The following SBF2 variants were observed in gnomAD, a reference collection of about 807,000 sequenced individuals.
SBF2 encodes the protein myotubularin-related protein 13.
Under a neutral mutation model 225.2 loss-of-function variants are expected in SBF2, and 112 were observed. That is an observed-to-expected ratio of 0.50 (90% CI 0.43 to 0.58). The LOEUF (loss-of-function observed/expected upper bound fraction) is 0.58. Ranked by LOEUF, SBF2 falls within the 20% of genes least tolerant of loss-of-function variation. The probability of loss-of-function intolerance (pLI) is 0.00; values close to 1 mark genes in which losing one functional copy is unlikely to be tolerated. For synonymous variants in SBF2, 763 were observed against 773.3 expected, an observed-to-expected ratio of 0.99 and a Z score of 0.22; for missense variants, 1,996 against 2,206.2, an observed-to-expected ratio of 0.90 and a Z score of 1.91.
chr11:10,146,395 T>A (rs966407383), intron 2 of SBF2, among the ~76,000 whole-genome samples: 1 of 151,622 alleles, frequency 6.6e-6, no homozygotes, highest in Non-Finnish European at 1.5e-5. Flanking sequence ...TGGAACAGAA[T>A]AAAGAACCCA....
intron 16 of SBF2, among the ~76,000 whole-genome samples, chr11:9,904,843 T>C (rs554140318): frequency 2.0e-5 from 3 of 152,216 alleles, no homozygotes; most frequent in Admixed American, 6.5e-5. Flanking sequence ...TGAGTGATAG[T>C]AAGAGCTCAT....
chr11:9,845,480 T>C (rs918263435), intron 24 of SBF2, 85 bp downstream of exon 24: 3 of 1,260,866 alleles, frequency 2.4e-6, no homozygotes, highest in African/African-American at 3.0e-5. Context: ...CAGCAATCGC[T>C]TACACCTGGA....
rs1856484734 is a variant in SBF2, at chr11:9,845,568, A to T, written c.3107T>A (p.Phe1036Tyr). The T allele has an allele frequency of 1.2e-6, 2 of 1,613,362 alleles. No individual in the cohort carries two copies. The highest frequency in any genetic ancestry group is 3.3e-5 in the Admixed American group (2 of 59,990). Residue 1036 changes from phenylalanine (F) to tyrosine (Y), a missense_variant, in exon 24 of 40, where the codon TTT becomes TAT. Coordinates refer to ENST00000256190, the MANE Select transcript of SBF2 (RefSeq NM_030962.4). ...LPKQKEKNTS[F>Y]RTFSKTIVKG... ...ACAGACTTGTCTTTCTTCTTACCGA[A>T]AAGAAGTGTTCTTTTCCTTCTGTTT...
intron 2 of SBF2, among the ~76,000 whole-genome samples, chr11:10,127,570 T>A (rs1953815242): frequency 6.6e-6 from 1 of 152,142 alleles, no homozygotes; most frequent in Non-Finnish European, 1.5e-5. Context: ...TAATTCTACT[T>A]GATGGTTCTC....
At chr11:9,922,633 T>C (rs1013712513) in intron 16 of SBF2, among the ~76,000 whole-genome samples, 1 of 152,202 alleles carries the variant, frequency 6.6e-6, no homozygotes, top group Admixed American at 6.5e-5. Context: ...CAAACACCAT[T>C]ATCATTTAAA....
At chr11:10,026,969 T>G (rs1179302130) in intron 6 of SBF2, among the ~76,000 whole-genome samples, 1 of 152,186 alleles carries the variant, frequency 6.6e-6, no homozygotes, top group East Asian at 1.9e-4. Flanking sequence ...TGTAATTTTT[T>G]AATTGACAAA....
intron 1 of SBF2, among the ~76,000 whole-genome samples, chr11:10,210,020 G>A (rs1957876778): frequency 6.6e-6 from 1 of 152,096 alleles, no homozygotes; most frequent in African/African-American, 2.4e-5. Flanking sequence ...AAGGAAGGAA[G>A]GAAGCTGGGC....
intron 2 of SBF2, among the ~76,000 whole-genome samples, chr11:10,111,137 T>C (rs1197869814): frequency 1.3e-5 from 2 of 152,222 alleles, no homozygotes; most frequent in Non-Finnish European, 2.9e-5. Flanking sequence ...GTTAAAATTA[T>C]ATGCTGACAT....
chr11:9,995,980 CA>C (rs1947683632), intron 9 of SBF2, among the ~76,000 whole-genome samples: 1 of 151,956 alleles, frequency 6.6e-6, no homozygotes, highest in African/African-American at 2.4e-5. Context: ...ATTTCTTATT[CA>C]CAGTACATTA....
chr11:10,012,263 A>T (rs1041391562), intron 6 of SBF2, among the ~76,000 whole-genome samples: 1 of 152,168 alleles, frequency 6.6e-6, no homozygotes, highest in Non-Finnish European at 1.5e-5. Flanking sequence ...CTCCTACCTC[A>T]GCTTCCTGCA....
At chr11:10,254,330 A>C (rs2135494708) in intron 1 of SBF2, among the ~76,000 whole-genome samples, 1 of 151,458 alleles carries the variant, frequency 6.6e-6, no homozygotes, top group African/African-American at 2.4e-5. Flanking sequence ...GGAGGTCGAG[A>C]CTGCAGTGAC....
At position 10,147,835 on chromosome 11, in the gene SBF2, A is replaced by G. The variant is rs1004587665; in HGVS notation, c.141+46067T>C. Among the ~76,000 whole-genome samples the G allele has an allele frequency of 9.2e-5, 14 of 152,328 alleles. No individual in the cohort carries two copies. In the East Asian group the frequency reaches 2.7e-3, roughly 29 times the overall value. ...TCTGGTTCTTAAAACACTATTGTCC[A>G]TCAGAATGAAATTAAGTAAGTAATT... On this transcript the variant is annotated intron_variant, in intron 2 of 39. Coordinates refer to ENST00000256190, the MANE Select transcript of SBF2 (RefSeq NM_030962.4).
At chr11:9,860,043 C>T (rs572869080) in intron 17 of SBF2, among the ~76,000 whole-genome samples, 1 of 152,250 alleles carries the variant, frequency 6.6e-6, no homozygotes, top group South Asian at 2.1e-4. Context: ...ATTTAAGAAA[C>T]AGTTACTGTC....
At position 9,911,065 on chromosome 11, in the gene SBF2, C is replaced by CA. The variant is rs569886561; in HGVS notation, c.1861-15055dup. Among the ~76,000 whole-genome samples the CA allele has an allele frequency of 2.4e-3, 320 of 135,944 alleles. 5 individuals carry two copies. The East Asian group carries it at 0.028, about 12-fold the overall frequency. 89.2% of individuals were successfully genotyped at this position (135,944 alleles called of 152,430 possible). On this transcript the variant is annotated intron_variant, in intron 16 of 39. Coordinates refer to ENST00000256190, the MANE Select transcript of SBF2 (RefSeq NM_030962.4). The stretch of plus-strand genomic sequence containing the variant: ...ACAGCAAGACTCCATCTCAAAAAAA[C>CA]AAAAAAAACAAAAAAAACACGACTG...
chr11:10,219,236 T>C (rs1370977680), intron 1 of SBF2, among the ~76,000 whole-genome samples: 2 of 152,192 alleles, frequency 1.3e-5, no homozygotes, highest in African/African-American at 2.4e-5. Flanking sequence ...TTCTTGACTT[T>C]TGTGTACCCA....
rs1301470450 is a variant in SBF2, at chr11:9,845,732, C to T, written c.2943G>A (p.Lys981=). 1.2e-6 allele frequency: 2 copies of T among 1,613,574 alleles called. No individual in the cohort carries two copies. The highest frequency in any genetic ancestry group is 2.7e-5 in the African/African-American group (2 of 74,888). ...GACTGACTTCTTCATCAAATGCTAC[C>T]TTAATCAACTAGAAGCAAAAGAGAT... ...QITSASFQLI[K]VAFDEEVSPE... The change falls in exon 24 of 40, where the codon AAG becomes AAA. Residue 981 remains lysine, a synonymous_variant. Coordinates refer to ENST00000256190, the MANE Select transcript of SBF2 (RefSeq NM_030962.4).
At chr11:9,938,740 T>A (rs1439746063) in intron 16 of SBF2, among the ~76,000 whole-genome samples, 1 of 152,132 alleles carries the variant, frequency 6.6e-6, no homozygotes, top group African/African-American at 2.4e-5. Flanking sequence ...TGTATAGTTA[T>A]AAATTCCAGC....
At chr11:10,000,813 A>C in intron 8 of SBF2, 101 bp downstream of exon 8, 333 of 627,062 alleles carry the variant, frequency 5.3e-4, no homozygotes, top group Middle Eastern at 7.2e-4. Context: ...TGGAAATGCT[A>C]CAGATCTGAA....
upstream of SBF2, chr11:10,294,338 C>T (rs1483799391): frequency 3.0e-6 from 1 of 331,620 alleles, no homozygotes; most frequent in Non-Finnish European, 5.5e-6. Context: ...GACTGCTGCG[C>T]TGGGGGAGTG....
Sources: allele counts gnomAD v4.1 joint callset (sites outside exome capture counted in the v4.1 genomes callset), GRCh38; gene constraint gnomAD v4.1.1; transcripts MANE v1.5; gene names NCBI Gene and HGNC (gene_info 2026-07-23, HGNC 2026-07-21).